PDE1A: variants seen among roughly 807,000 people sequenced by gnomAD.
PDE1A encodes the protein dual specificity calcium/calmodulin-dependent 3',5'-cyclic nucleotide phosphodiesterase 1A.
In PDE1A, 35 loss-of-function variants were observed where a neutral mutation model predicts 61.7. The ratio of observed to expected loss-of-function variants is 0.57; its 90% CI spans 0.43 to 0.75. The LOEUF (loss-of-function observed/expected upper bound fraction) is 0.75, where lower values mean the gene tolerates loss of function less well. Ranked by LOEUF, PDE1A falls within the 30% of genes least tolerant of loss-of-function variation. PDE1A has a pLI of 0.00. For missense variants in PDE1A, 597 were observed against 630.6 expected (o/e 0.95, Z 0.57); for synonymous variants, 232 against 213.2 (o/e 1.09, Z -0.77).
chr2:182,424,025 A>G (rs369762945), intron 1 of PDE1A, among the ~76,000 whole-genome samples: 2 of 147,790 alleles, frequency 1.4e-5, no homozygotes, highest in East Asian at 4.0e-4. Context: ...GCTCACTGCG[A>G]CCTCCGCCTC....
chr2:182,679,237 G>A, the PDE1A span, among the ~76,000 whole-genome samples: 1 of 150,566 alleles, frequency 6.6e-6, no homozygotes, highest in African/African-American at 2.5e-5. Context: ...AGGCTGGAGT[G>A]CAGTGGTGCA....
chr2:182,506,802 G>C (rs889740976), intron 2 of PDE1A, among the ~76,000 whole-genome samples: 4 of 152,226 alleles, frequency 2.6e-5, no homozygotes, highest in Non-Finnish European at 1.5e-5. Flanking sequence ...CAGGGCAACA[G>C]GATGTGTGGG....
At chr2:182,428,221 C>T (rs1179121232), upstream of PDE1A, among the ~76,000 whole-genome samples, 2 of 152,072 alleles carry the variant, frequency 1.3e-5, no homozygotes, top group African/African-American at 4.8e-5. Context: ...AATTTCTTGA[C>T]CTGTCTGAGA....
chr2:182,624,936 C>A, the PDE1A span, among the ~76,000 whole-genome samples: 1 of 152,146 alleles, frequency 6.6e-6, no homozygotes, highest in South Asian at 2.1e-4. Context: ...CCCTTGCAAC[C>A]CCCTGCTTGT....
intron 4 of PDE1A, among the ~76,000 whole-genome samples, chr2:182,233,809 ACACAC>A (rs1689779309): frequency 3.6e-5 from 5 of 139,744 alleles, no homozygotes; most frequent in Middle Eastern, 3.5e-3. Context: ...ACACACACAC[ACACAC>A]AATGAGGCAA....
At chr2:182,574,257 CCTTCTCCAGCCCACTGA>C in the PDE1A span, among the ~76,000 whole-genome samples, 1 of 152,062 alleles carries the variant, frequency 6.6e-6, no homozygotes, top group Non-Finnish European at 1.5e-5. Flanking sequence ...GGTGGGTTTG[CCTTCTCCAGCCCACTGA>C]CTCAAATGTC....
chr2:182,527,916 C>T (rs1192699527), upstream of PDE1A, among the ~76,000 whole-genome samples: 1 of 152,076 alleles, frequency 6.6e-6, no homozygotes, highest in Non-Finnish European at 1.5e-5. Context: ...TTTCGCCTTC[C>T]ACCACGATTG....
intron 1 of PDE1A, among the ~76,000 whole-genome samples, chr2:182,356,186 C>T (rs1196950592): frequency 1.3e-5 from 2 of 151,976 alleles, no homozygotes; most frequent in East Asian, 3.9e-4. Flanking sequence ...GGCTCATGTG[C>T]ATAATCCCAG....
chr2:182,469,857 G>C (rs982488239), intron 2 of PDE1A, among the ~76,000 whole-genome samples: 4 of 151,820 alleles, frequency 2.6e-5, no homozygotes, highest in Non-Finnish European at 5.9e-5. Context: ...GAACAGGGAG[G>C]CTAAGGAGAG....
the PDE1A span, among the ~76,000 whole-genome samples, chr2:182,586,474 C>T: frequency 6.6e-6 from 1 of 152,178 alleles, no homozygotes; most frequent in Non-Finnish European, 1.5e-5. Context: ...TTTACTTTGA[C>T]TGTCTATTTT....
intron 1 of PDE1A, among the ~76,000 whole-genome samples, chr2:182,418,552 G>A (rs552099819): frequency 6.6e-6 from 1 of 152,206 alleles, no homozygotes; most frequent in African/African-American, 2.4e-5. Flanking sequence ...ATCAAACTAT[G>A]TGCTTTTTCT....
intron 7 of PDE1A, among the ~76,000 whole-genome samples, chr2:182,219,795 C>A (rs1688565985): frequency 6.6e-6 from 1 of 152,068 alleles, no homozygotes; most frequent in South Asian, 2.1e-4. Flanking sequence ...TAAAACAACA[C>A]CACCACCACC....
chr2:182,405,999 A>C (rs546095550), intron 1 of PDE1A, among the ~76,000 whole-genome samples: 1 of 152,118 alleles, frequency 6.6e-6, no homozygotes, highest in East Asian at 1.9e-4. Context: ...AGCTTTATGG[A>C]TCCATCTTAG....
At chr2:182,699,465 A>C in the PDE1A span, among the ~76,000 whole-genome samples, 1 of 152,252 alleles carries the variant, frequency 6.6e-6, no homozygotes, top group Non-Finnish European at 1.5e-5. Context: ...ATATTTTACA[A>C]TAAACTTTAG....
intron 2 of PDE1A, among the ~76,000 whole-genome samples, chr2:182,436,680 T>C (rs935454922): frequency 6.6e-6 from 1 of 152,024 alleles, no homozygotes. Flanking sequence ...TCAGGTACTA[T>C]ACTTTATATG....
chr2:182,491,525 G>A (rs755986371), intron 2 of PDE1A, among the ~76,000 whole-genome samples: 1 of 152,180 alleles, frequency 6.6e-6, no homozygotes, highest in Non-Finnish European at 1.5e-5. Context: ...ATAGGAGGCA[G>A]TGATGGAAAA....
At chr2:182,645,660 C>T in the PDE1A span, among the ~76,000 whole-genome samples, 16 of 151,652 alleles carry the variant, frequency 1.1e-4, no homozygotes, top group South Asian at 2.1e-4. Context: ...CTAAAGTAAA[C>T]GAAAAACAAA....
chr2:182,628,877 A>G, the PDE1A span, among the ~76,000 whole-genome samples: 3 of 152,266 alleles, frequency 2.0e-5, no homozygotes, highest in South Asian at 6.2e-4. Flanking sequence ...TGGGACATGC[A>G]ACTTTCTTCT....
In PDE1A at chr2:182,203,834, C is replaced by A. The variant is rs181522716; in HGVS notation, c.903-2045G>T. ...TTAAGAAGATATCCATATTTTAATTCTTAGTAAAATGTTATCAAACGTATA... is the reference window on the plus strand; with the variant it reads ...TTAAGAAGATATCCATATTTTAATTATTAGTAAAATGTTATCAAACGTATA... On this transcript the variant is annotated intron_variant, in intron 8 of 13. Coordinates refer to ENST00000351439, the Ensembl canonical transcript of PDE1A. Among the ~76,000 whole-genome samples, 16 of 151,798 alleles carry A rather than the reference C, an allele frequency of 1.1e-4. No homozygotes were observed. The East Asian group carries it at 1.7e-3, about 17-fold the overall frequency.
Sources: allele counts gnomAD v4.1 joint callset (sites outside exome capture counted in the v4.1 genomes callset), GRCh38; gene constraint gnomAD v4.1.1; transcripts MANE v1.5; gene names NCBI Gene and HGNC (gene_info 2026-07-23, HGNC 2026-07-21).